The following COL12A1 variants were observed in gnomAD, a reference collection of about 807,000 sequenced individuals.
COL12A1 encodes collagen type XII alpha 1 chain, also known as collagen alpha-1(XII) chain.
In COL12A1, 114 loss-of-function variants were observed where a neutral mutation model predicts 349.7. The observed-to-expected ratio is 0.33, with a 90% CI of 0.28 to 0.38. COL12A1 has a LOEUF of 0.38. Ranked by LOEUF, COL12A1 falls within the 10% of genes least tolerant of loss-of-function variation. The pLI is 1.00. For missense variants in COL12A1, 3,284 were observed against 3,756.9 expected (o/e 0.87, Z 3.29); for synonymous variants, 1,369 against 1,329.0 (o/e 1.03, Z -0.66).
At chr6:75,163,732 A>G (rs1768138972) in intron 14 of COL12A1, among the ~76,000 whole-genome samples, 1 of 152,196 alleles carries the variant, frequency 6.6e-6, no homozygotes, top group Non-Finnish European at 1.5e-5. Flanking sequence ...GCAATTAGCC[A>G]AGAAATATTG....
Position 75,133,296 on chromosome 6 carries a change from T to A in COL12A1, c.5791A>T (p.Thr1931Ser), listed in dbSNP as rs1582103494. ...DGGRTSDTGR[T>S]LMRGLARNVQ... The stretch of plus-strand genomic sequence containing the variant: ...ATTTTTTGGCTTTATTACTTACATG[T>A]CCTTCCAGTATCTGATGTGCGTCCC... Residue 1931 changes from threonine to serine, a missense_variant, in exon 34 of 66, where the codon ACA (threonine) becomes TCA (serine). Thr to Ser is a moderately conservative substitution (Grantham distance 58). Around this residue, in one of 2 missense-constraint regions of COL12A1, gnomAD observed 2,601 missense variants for 2,824.8 expected, o/e 0.92. Coordinates refer to ENST00000322507, the MANE Select transcript of COL12A1 (RefSeq NM_004370.6). 6.3e-7 allele frequency: 1 copy of A among 1,586,100 alleles called. No homozygotes were observed. Among genetic ancestry groups the A allele is most frequent in the Non-Finnish European group, 8.6e-7 (1 of 1,168,860 alleles).
chr6:75,110,414 T>A (rs1768778261), intron 51 of COL12A1, among the ~76,000 whole-genome samples: 1 of 152,070 alleles, frequency 6.6e-6, no homozygotes, highest in Non-Finnish European at 1.5e-5. Context: ...GTATTCAGTG[T>A]GTTTTACTGC....
intron 59 of COL12A1, among the ~76,000 whole-genome samples, chr6:75,095,566 G>A (rs1386033877): frequency 6.9e-6 from 1 of 145,666 alleles, no homozygotes; most frequent in Non-Finnish European, 1.5e-5. Context: ...GCAGTGAGCC[G>A]AGATTGCGCC....
intron 8 of COL12A1, among the ~76,000 whole-genome samples, chr6:75,185,455 A>G (rs959960581): frequency 2.0e-5 from 3 of 152,202 alleles, no homozygotes; most frequent in African/African-American, 2.4e-5. Flanking sequence ...ACTACAAACC[A>G]CTGCTCAAAG....
chr6:75,127,736 G>A lies in COL12A1; in HGVS notation c.6340+560C>T, dbSNP rs373900997. Among the ~76,000 whole-genome samples the A allele has an allele frequency of 3.2e-4, 49 of 152,226 alleles. No homozygotes were observed. The East Asian group carries it at 4.4e-3, about 14-fold the overall frequency. On this transcript the variant is annotated intron_variant, in intron 38 of 65. Transcript: ENST00000322507. ...GACTGTAGCAAGCAACCACATTAGA[G>A]AATTTTTAAACCCTAAGAAATTACC...
At position 75,192,247 on chromosome 6, in the gene COL12A1, A is replaced by G. The variant is rs2149479070; in HGVS notation, c.299T>C (p.Val100Ala). Residue 100 changes from valine to alanine, a missense_variant, in exon 4 of 66, where the codon GTA becomes GCA. Physicochemically the swap from Val to Ala is moderately conservative, Grantham distance 64 (BLOSUM62 0). Around this residue, in one of 2 missense-constraint regions of COL12A1, gnomAD observed 2,601 missense variants for 2,824.8 expected, o/e 0.92. Coordinates refer to ENST00000322507, the MANE Select transcript of COL12A1 (RefSeq NM_004370.6). ...TCCTATAACTGGTACACTTTCTTCT[A>G]CTTCATCATATGAAGTTATTGTCAC... ...YVVTITSYDEVEESVPVIGQL... is the reference protein window; with the variant it reads ...YVVTITSYDEAEESVPVIGQL... 3.1e-6 allele frequency: 5 copies of G among 1,607,890 alleles called. No homozygotes were observed. Among genetic ancestry groups the G allele is most frequent in the Non-Finnish European group, 4.3e-6 (5 of 1,176,348 alleles).
intron 63 of COL12A1, among the ~76,000 whole-genome samples, chr6:75,089,624 T>C (rs1414278104): frequency 2.0e-5 from 3 of 152,198 alleles, no homozygotes; most frequent in Non-Finnish European, 4.4e-5. Context: ...TCCTGAAATA[T>C]CTGGAATCAA....
intron 44 of COL12A1, among the ~76,000 whole-genome samples, chr6:75,120,141 G>T (rs536723085): frequency 6.6e-6 from 1 of 152,130 alleles, no homozygotes; most frequent in African/African-American, 2.4e-5. Context: ...AATAAAATAT[G>T]ATCAGTATTT....
At chr6:75,099,984 A>C (rs1209191573) in intron 58 of COL12A1, among the ~76,000 whole-genome samples, 1 of 152,100 alleles carries the variant, frequency 6.6e-6, no homozygotes. Flanking sequence ...AAGTCTCTCT[A>C]ATGTTCTAAA....
intron 58 of COL12A1, 71 bp from the exon 59 acceptor site, chr6:75,097,377 G>A: frequency 7.7e-7 from 1 of 1,300,328 alleles, no homozygotes; most frequent in African/African-American, 1.5e-5. Context: ...TGCTAAACAG[G>A]TTGCTAAAGC....
chr6:75,113,366 T>G (rs1346724417), intron 50 of COL12A1, 53 bp from the exon 51 acceptor site: 1 of 1,171,786 alleles, frequency 8.5e-7, no homozygotes, highest in East Asian at 2.8e-5. Context: ...TAATTTTTAT[T>G]TAAAGTATTA....
At chr6:75,187,606 AGAATTAGGGCCAAT>A (rs1190621889) in intron 8 of COL12A1, among the ~76,000 whole-genome samples, 1 of 152,196 alleles carries the variant, frequency 6.6e-6, no homozygotes. Flanking sequence ...GTTCTGAGAC[AGAATTAGGGCCAAT>A]GAACATTTTG....
rs751306147 is a variant in COL12A1, at chr6:75,087,717, G to A, written c.9041C>T (p.Pro3014Leu). 1 of 1,607,586 alleles carries A rather than the reference G, an allele frequency of 6.2e-7. No homozygotes were observed. Among genetic ancestry groups the A allele is most frequent in the African/African-American group, 1.3e-5 (1 of 74,444 alleles). Residue 3014 changes from proline (P) to leucine (L), a missense_variant, in exon 65 of 66, where the codon CCA becomes CTA. This residue lies in a region of COL12A1 where 683 missense variants were observed against 932.1 expected (regional missense o/e 0.73). Transcript: ENST00000322507. ...GGGACCTCTTGAACCTGTGGACCCT[G>A]GTGGACCTGTTCTGGATTCTCCTTG... ...GPQGESRTGP[P>L]GSTGSRGPPG... is the part of the protein sequence containing the mutation.
rs1315370542 is a variant in COL12A1 at position 75,177,651 on chromosome 6, T to C, written c.2437+12A>G. On this transcript the variant is annotated intron_variant, in intron 12 of 65. Transcript: ENST00000322507. ...TTTGGTTGTCACCATATGATAAGCATATTTCCTCTACCTTCTTCAGTGGCT... is the reference window on the plus strand; with the variant it reads ...TTTGGTTGTCACCATATGATAAGCACATTTCCTCTACCTTCTTCAGTGGCT... The C allele has an allele frequency of 6.2e-7, 1 of 1,614,150 alleles. No homozygotes were observed. The highest frequency in any genetic ancestry group is 8.5e-7 in the Non-Finnish European group (1 of 1,180,022).
chr6:75,144,121 A>G (rs1159478278), intron 25 of COL12A1, among the ~76,000 whole-genome samples: 3 of 152,120 alleles, frequency 2.0e-5, no homozygotes, highest in Non-Finnish European at 4.4e-5. Flanking sequence ...CAACATTTTT[A>G]TCTTGTGTAT....
In COL12A1 at chr6:75,143,311, G is replaced by T; in HGVS notation, c.4768C>A (p.Pro1590Thr). 1 of 1,613,744 alleles carries T rather than the reference G, an allele frequency of 6.2e-7. No homozygotes were observed. Among genetic ancestry groups the T allele is most frequent in the Non-Finnish European group, 8.5e-7 (1 of 1,179,898 alleles). ...STMNVFWEPVPGKVRKYIVRY... is the reference protein window; with the variant it reads ...STMNVFWEPVTGKVRKYIVRY... ...ACAATATATTTACGCACTTTTCCAG[G>T]CACAGGTTCCCAAAAGACATTCATA... The change falls in exon 26 of 66, where the codon CCT (proline) becomes ACT (threonine). Residue 1590 changes from proline (P) to threonine (T), a missense_variant. Pro to Thr is a conservative substitution (Grantham distance 38). Coordinates refer to ENST00000322507, the MANE Select transcript of COL12A1 (RefSeq NM_004370.6).
chr6:75,097,407 T>C (rs1266021660), intron 58 of COL12A1, 101 bp from the exon 59 acceptor site: 1 of 848,346 alleles, frequency 1.2e-6, no homozygotes, highest in East Asian at 2.6e-5. Context: ...AAGAGAAGGA[T>C]TTAGCCCAAC....
At position 75,202,626 on chromosome 6, in the gene COL12A1, G is replaced by A. The variant is rs565980258; in HGVS notation, c.73+94C>T. On this transcript the variant is annotated intron_variant, in intron 2 of 65. Coordinates refer to ENST00000322507, the MANE Select transcript of COL12A1 (RefSeq NM_004370.6). ...CACCGGAGAAAGCACGAAGCGCAGGGAAAACAGAGCAAGCAATAGAAGCAA... is the reference window on the plus strand; with the variant it reads ...CACCGGAGAAAGCACGAAGCGCAGGAAAAACAGAGCAAGCAATAGAAGCAA... 4.7e-6 allele frequency: 6 copies of A among 1,263,838 alleles called. No individual in the cohort carries two copies. The Admixed American group carries it at 6.5e-5, about 14-fold the overall frequency. 78.3% of individuals were successfully genotyped at this position (1,263,838 alleles called of 1,614,324 possible).
Position 75,119,444 on chromosome 6 carries a change from G to C in COL12A1, c.7116C>G (p.Val2372=), listed in dbSNP as rs1195407090. ...ACGTGTTCAGCTTGAACTCAGACTT[G>C]ACCTCATCGCTGTATTGCACAAATG... is the stretch of plus-strand genomic sequence containing the variant. ...QVSFVQYSDE[V]KSEFKLNTYN... The change falls in exon 45 of 66, where the codon GTC becomes GTG. Residue 2372 remains valine, a synonymous_variant. Coordinates refer to ENST00000322507, the MANE Select transcript of COL12A1 (RefSeq NM_004370.6). The C allele has an allele frequency of 6.2e-7, 1 of 1,613,638 alleles. No individual in the cohort carries two copies. The highest frequency in any genetic ancestry group is 1.7e-5 in the Admixed American group (1 of 59,942).
Sources: allele counts gnomAD v4.1 joint callset (sites outside exome capture counted in the v4.1 genomes callset), GRCh38; gene constraint gnomAD v4.1.1; regional missense constraint gnomAD v4.1.1; transcripts MANE v1.5; gene names NCBI Gene and HGNC (gene_info 2026-07-23, HGNC 2026-07-21).